The following CACNA2D4 variants were observed in gnomAD, a reference collection of about 807,000 sequenced individuals.
CACNA2D4 encodes the protein voltage-dependent calcium channel subunit alpha-2/delta-4.
In CACNA2D4, 157 loss-of-function variants were observed where a neutral mutation model predicts 163.8. The observed-to-expected ratio is 0.96, with a 90% CI of 0.84 to 1.09. CACNA2D4 has a LOEUF of 1.09. CACNA2D4 is among the 50% of genes least tolerant of loss of function. The probability of loss-of-function intolerance (pLI) is 0.00; values close to 1 mark genes in which losing one functional copy is unlikely to be tolerated. For synonymous variants in CACNA2D4, 598 were observed against 586.9 expected (o/e 1.02, Z -0.27); for missense variants, 1,410 against 1,479.9 (o/e 0.95, Z 0.78).
chr12:1,797,505 T>C lies in CACNA2D4; in HGVS notation c.3026A>G (p.Gln1009Arg), dbSNP rs999293144. The change falls in exon 35 of 38, where the codon CAG becomes CGG. Residue 1009 changes from glutamine to arginine, a missense_variant. Coordinates refer to ENST00000382722, the MANE Select transcript of CACNA2D4 (RefSeq NM_172364.5). ...CACGGGGTACTCCGTGTCGCAGGGC[T>C]GCAGCGGGTCCTGCTTCTTGTGTTT... ...SHKHKKQDPL[Q>R]PCDTEYPVFV... is the part of the protein sequence containing the mutation. The C allele has an allele frequency of 2.5e-6, 4 of 1,580,474 alleles. No homozygotes were observed. Among genetic ancestry groups the C allele is most frequent in the South Asian group, 1.2e-5 (1 of 86,866 alleles).
Position 1,829,157 on chromosome 12 carries a change from T to A in CACNA2D4, c.2551+11582A>T, listed in dbSNP as rs776563459. On this transcript the variant is annotated intron_variant, in intron 26 of 37. Coordinates refer to ENST00000382722, the MANE Select transcript of CACNA2D4 (RefSeq NM_172364.5). This position sits in a 1 kb window ranked among gnomAD's most constrained non-coding sequence, Gnocchi z 4.2. ...CTGGAGCTTTTATGCCACCTTGATC[T>A]CCAGGGAGGTGGGGGGCGCAGGGAG... Among the ~76,000 whole-genome samples, 1 of 152,018 alleles carries A rather than the reference T, an allele frequency of 6.6e-6. No homozygotes were observed. The highest frequency in any genetic ancestry group is 1.5e-5 in the Non-Finnish European group (1 of 68,020).
intron 26 of CACNA2D4, among the ~76,000 whole-genome samples, chr12:1,818,292 G>A (rs1461152497): frequency 2.0e-5 from 3 of 151,916 alleles, no homozygotes; most frequent in East Asian, 1.9e-4. Flanking sequence ...CATTGAGAAC[G>A]GGCCAGGATG....
intron 23 of CACNA2D4, among the ~76,000 whole-genome samples, chr12:1,848,817 AGGCT>A (rs551953537): frequency 1.1e-4 from 17 of 151,872 alleles, no homozygotes; most frequent in African/African-American, 4.1e-4. Context: ...TACGTTGCCC[AGGCT>A]GGCCTTGAAC....
chr12:1,795,493 T>C (rs1863090286), intron 36 of CACNA2D4, 112 bp from the exon 37 acceptor site: 1 of 1,121,058 alleles, frequency 8.9e-7, no homozygotes, highest in Non-Finnish European at 1.3e-6. Context: ...GCAAGCAGCT[T>C]TAGGGTCAGG....
In CACNA2D4 at chr12:1,806,366, A is replaced by C. The variant is rs1863536868; in HGVS notation, c.2721+3912T>G. Among the ~76,000 whole-genome samples the C allele has an allele frequency of 2.0e-5, 3 of 152,190 alleles. No homozygotes were observed. Among genetic ancestry groups the C allele is most frequent in the Admixed American group, 2.0e-4 (3 of 15,284 alleles). On this transcript the variant is annotated intron_variant, in intron 29 of 37. Transcript: ENST00000382722. This position sits in a 1 kb window ranked among gnomAD's most constrained non-coding sequence, Gnocchi z 4.1. ...AGCCCTGGCCTGGAAGAGAGGCCAA[A>C]TGTCTAATCAGCAGGCCTGGAACAC...
rs1865099667 is a variant in CACNA2D4, at chr12:1,844,497, A to G, written c.2375T>C (p.Val792Ala). The G allele has an allele frequency of 6.2e-7, 1 of 1,613,452 alleles. No individual in the cohort carries two copies. Among genetic ancestry groups the G allele is most frequent in the South Asian group, 1.1e-5 (1 of 90,874 alleles). ...CAGCGGGAAGCGGTCCAGGGTGAACACGCTGGCCTCGTCCTCAGGTGTCAG... is the reference window on the plus strand; with the variant it reads ...CAGCGGGAAGCGGTCCAGGGTGAACGCGCTGGCCTCGTCCTCAGGTGTCAG... ...KFLTPEDEASVFTLDRFPLWY... is the reference protein window; with the variant it reads ...KFLTPEDEASAFTLDRFPLWY... The change falls in exon 25 of 38, where the codon GTG (valine) becomes GCG (alanine). Residue 792 changes from valine (V) to alanine (A), a missense_variant. By Grantham distance (64) the Val-to-Ala change is moderately conservative. Transcript: ENST00000382722. This position sits in a 1 kb window ranked among gnomAD's most constrained non-coding sequence, Gnocchi z 4.2.
At chr12:1,865,492 C>T (rs538633691) in intron 18 of CACNA2D4, among the ~76,000 whole-genome samples, 20 of 152,372 alleles carry the variant, frequency 1.3e-4, no homozygotes, top group African/African-American at 4.1e-4. Flanking sequence ...CTGCAAGAGC[C>T]ACTGTCAAGC....
chr12:1,836,960 C>T (rs542313831), intron 26 of CACNA2D4, among the ~76,000 whole-genome samples: 1 of 152,264 alleles, frequency 6.6e-6, no homozygotes, highest in African/African-American at 2.4e-5. Context: ...AGAGCCAGGC[C>T]CTGTGGCTGG....
In CACNA2D4 at chr12:1,806,966, GGA is replaced by G. The variant is rs994376490; in HGVS notation, c.2721+3310_2721+3311del. On this transcript the variant is annotated intron_variant, in intron 29 of 37. Transcript: ENST00000382722. The surrounding 1 kb of genome is among the most constrained non-coding windows in gnomAD (Gnocchi z 4.1). ...AGGGGCAGGTTTGGGTCGGTTGGTGGGAGTTGGTGGTGGGCAGACTCTAAAGT... is the reference window on the plus strand; with the variant it reads ...AGGGGCAGGTTTGGGTCGGTTGGTGGGTTGGTGGTGGGCAGACTCTAAAGT... 6.6e-6 allele frequency among the ~76,000 whole-genome samples: 1 copy of G among 152,082 alleles called. No homozygotes were observed. The highest frequency in any genetic ancestry group is 1.5e-5 in the Non-Finnish European group (1 of 68,032).
At chr12:1,795,272 C>T (rs750083098) in intron 37 of CACNA2D4, 27 bp downstream of exon 37, 1 of 1,606,944 alleles carries the variant, frequency 6.2e-7, no homozygotes, top group South Asian at 1.1e-5. Context: ...AAAATCCAGC[C>T]CACCCTCGAT....
At chr12:1,838,720 G>A (rs1314852403) in intron 26 of CACNA2D4, among the ~76,000 whole-genome samples, 1 of 152,216 alleles carries the variant, frequency 6.6e-6, no homozygotes, top group Non-Finnish European at 1.5e-5. Context: ...GTGCAGGAAA[G>A]CACAGCCAGC....
chr12:1,824,427 C>T (rs576555963), intron 26 of CACNA2D4, among the ~76,000 whole-genome samples: 5 of 152,178 alleles, frequency 3.3e-5, no homozygotes, highest in Non-Finnish European at 7.4e-5. Flanking sequence ...TCCAGAGTTC[C>T]TCATTTGACT....
At chr12:1,831,397 A>T in intron 26 of CACNA2D4, 1 of 1,614,122 alleles carries the variant, frequency 6.2e-7, no homozygotes, top group African/African-American at 1.3e-5. Context: ...AACCGTCTGC[A>T]GAATCTGGAC....
In CACNA2D4 at chr12:1,917,644, G is replaced by C. The variant is rs1452776528; in HGVS notation, c.227+603C>G. ...ACCAAGGTGCACATGACTGATACCG[G>C]GTTCTTTCCTGGAGCCGGTCTTAAT... On this transcript the variant is annotated intron_variant, in intron 1 of 37. Transcript: ENST00000382722. The surrounding 1 kb of genome is among the most constrained non-coding windows in gnomAD (Gnocchi z 4.3). 6.6e-6 allele frequency among the ~76,000 whole-genome samples: 1 copy of C among 152,172 alleles called. No individual in the cohort carries two copies. The highest frequency in any genetic ancestry group is 1.5e-5 in the Non-Finnish European group (1 of 68,032).
At chr12:1,902,030 G>GATTT (rs1438167956) in intron 6 of CACNA2D4, among the ~76,000 whole-genome samples, 3 of 152,052 alleles carry the variant, frequency 2.0e-5, no homozygotes, top group African/African-American at 7.2e-5. Context: ...GACTAAGAGG[G>GATTT]ATTTATTCCA....
intron 6 of CACNA2D4, among the ~76,000 whole-genome samples, chr12:1,896,541 G>A (rs900431559): frequency 6.6e-6 from 1 of 151,324 alleles, no homozygotes; most frequent in Admixed American, 6.6e-5. Flanking sequence ...CACGAATCAC[G>A]AGGGAAATGC....
intron 6 of CACNA2D4, among the ~76,000 whole-genome samples, chr12:1,891,210 A>T (rs1305721480): frequency 6.6e-6 from 1 of 152,190 alleles, no homozygotes; most frequent in Non-Finnish European, 1.5e-5. Context: ...CACTGCCACA[A>T]CTGGGGCCCA....
chr12:1,857,622 C>T (rs1422285823), intron 20 of CACNA2D4, among the ~76,000 whole-genome samples: 2 of 152,072 alleles, frequency 1.3e-5, no homozygotes, highest in Non-Finnish European at 2.9e-5. Context: ...ATCTGTGACC[C>T]CTGAGATAGG....
At chr12:1,915,399 G>A (rs1334314294) in intron 1 of CACNA2D4, among the ~76,000 whole-genome samples, 2 of 152,208 alleles carry the variant, frequency 1.3e-5, no homozygotes, top group African/African-American at 4.8e-5. Flanking sequence ...CAGACTGAGA[G>A]GAGAGAAGGA....
Sources: gnomAD v4.1 joint callset for allele counts (sites outside exome capture counted in the v4.1 genomes callset) on GRCh38, gnomAD v4.1.1 for gene constraint, Gnocchi (gnomAD v3.1) non-coding constraint, MANE v1.5 for transcripts, NCBI Gene and HGNC (gene_info 2026-07-23, HGNC 2026-07-21) for gene names.